Variants in GMCL1 observed in about 807,000 individuals in gnomAD.
The protein encoded by GMCL1 is germ cell-less protein-like 1.
In GMCL1, 54 loss-of-function variants were observed where a neutral mutation model predicts 75.5. The observed-to-expected ratio is 0.71, with a 90% CI of 0.57 to 0.90. GMCL1 has a LOEUF of 0.90. Ranked by LOEUF, GMCL1 falls within the 40% of genes least tolerant of loss-of-function variation. The probability of loss-of-function intolerance (pLI) is 0.00; values close to 1 mark genes in which losing one functional copy is unlikely to be tolerated. For synonymous variants in GMCL1, 210 were observed against 209.6 expected (o/e 1.00, Z -0.02); for missense variants, 537 against 622.7 (o/e 0.86, Z 1.47).
intron 6 of GMCL1, among the ~76,000 whole-genome samples, chr2:69,845,682 A>C (rs886470715): frequency 6.6e-6 from 1 of 152,240 alleles, no homozygotes; most frequent in Non-Finnish European, 1.5e-5. Flanking sequence ...GCTGTGAAGA[A>C]TGCAGAGATG....
chr2:69,852,486 G>A lies in GMCL1; in HGVS notation c.935-2337G>A, dbSNP rs1352694845. 2.1e-5 allele frequency among the ~76,000 whole-genome samples: 3 copies of A among 139,608 alleles called. No individual in the cohort carries two copies. In the South Asian group the frequency reaches 6.4e-4, roughly 30 times the overall value. The allele number at this position is 139,608 out of a possible 152,430, so 91.6% of individuals were successfully genotyped here. On this transcript the variant is annotated intron_variant, in intron 8 of 13. Coordinates refer to ENST00000282570, the MANE Select transcript of GMCL1 (RefSeq NM_178439.5). ...AAATAAGATGCATACTTAGGAAATA[G>A]GATAGAAAAATCACCTGTGATCCCT...
At chr2:69,861,203 G>A (rs1573364158) in intron 9 of GMCL1, 75 bp from the exon 10 acceptor site, 1 of 1,067,708 alleles carries the variant, frequency 9.4e-7, no homozygotes, top group East Asian at 2.6e-5. Context: ...TAACAATTTT[G>A]TCAACTATGA....
chr2:69,829,887 T>G lies in GMCL1; in HGVS notation c.-6T>G, dbSNP rs768252158. ...GGCTCCCTGAAGTCTCGGGGAGCCG[T>G]GACCCATGGGATCGTTGAGCAGCCG... On this transcript the variant is annotated 5_prime_UTR_variant, in exon 1 of 14. Transcript: ENST00000282570. 6.3e-6 allele frequency: 10 copies of G among 1,587,660 alleles called. No homozygotes were observed. The African/African-American group carries it at 1.2e-4, about 19-fold the overall frequency.
chr2:69,859,742 T>TAAAAAAAAAAAAAAAAAAAAAAAA (rs1207817401), intron 9 of GMCL1, among the ~76,000 whole-genome samples: 25 of 79,056 alleles, frequency 3.2e-4, no homozygotes, highest in South Asian at 9.2e-4. Flanking sequence ...TCTCTCTCTC[T>TAAAAAAAAAAAAAAAAAAAAAAAA]AAAAAAAAAA....
intron 1 of GMCL1, among the ~76,000 whole-genome samples, chr2:69,836,393 G>A (rs951786396): frequency 5.3e-5 from 8 of 152,170 alleles, no homozygotes; most frequent in Admixed American, 2.6e-4. Flanking sequence ...TGTACATTCT[G>A]CCGTCAGGAA....
intron 8 of GMCL1, among the ~76,000 whole-genome samples, chr2:69,850,889 T>C (rs575014079): frequency 6.6e-6 from 1 of 152,308 alleles, no homozygotes; most frequent in African/African-American, 2.4e-5. Flanking sequence ...TTAGTTGTTA[T>C]GGAACTATGT....
chr2:69,864,836 A>C, intron 10 of GMCL1, 64 bp from the exon 11 acceptor site: 1 of 1,058,234 alleles, frequency 9.4e-7, no homozygotes, highest in Non-Finnish European at 1.4e-6. Context: ...CTTAACTCAT[A>C]GTTCTTTTTT....
intron 12 of GMCL1, among the ~76,000 whole-genome samples, chr2:69,871,192 G>T (rs1675972551): frequency 6.6e-6 from 1 of 152,098 alleles, no homozygotes; most frequent in South Asian, 2.1e-4. Context: ...ATTTAGCCTT[G>T]AAAAGGAAGC....
In GMCL1 at chr2:69,843,265, A is replaced by G; in HGVS notation, c.692+4A>G. 2 of 1,503,378 alleles carry G rather than the reference A, an allele frequency of 1.3e-6. No homozygotes were observed. The highest frequency in any genetic ancestry group is 1.9e-6 in the Non-Finnish European group (2 of 1,080,794). The allele number at this position is 1,503,378 out of a possible 1,614,324, so 93.1% of individuals were successfully genotyped here. ...GATTAGATTCTGTAAAGAAAAAGTG[A>G]GTTGCCTTTCTTGTTTTTCTTCCTA... On this transcript the variant is annotated splice_donor_region_variant and intron_variant, in intron 5 of 13. Coordinates refer to ENST00000282570, the MANE Select transcript of GMCL1 (RefSeq NM_178439.5).
At chr2:69,856,551 C>T (rs1173505260) in intron 9 of GMCL1, among the ~76,000 whole-genome samples, 2 of 151,548 alleles carry the variant, frequency 1.3e-5, no homozygotes, top group Non-Finnish European at 2.9e-5. Context: ...CACTTGGATA[C>T]CTCTGACCTA....
At chr2:69,835,074 TA>T (rs1215099030) in intron 1 of GMCL1, among the ~76,000 whole-genome samples, 1 of 152,090 alleles carries the variant, frequency 6.6e-6, no homozygotes, top group Non-Finnish European at 1.5e-5. Flanking sequence ...GCCCCACCTA[TA>T]ACCAACTTCG....
chr2:69,849,255 G>T (rs994290005), intron 7 of GMCL1, among the ~76,000 whole-genome samples: 1 of 151,790 alleles, frequency 6.6e-6, no homozygotes, highest in Non-Finnish European at 1.5e-5. Flanking sequence ...ACTGCACCTC[G>T]ACCTCTAGGG....
At chr2:69,877,432 T>C (rs1472431060) in intron 13 of GMCL1, among the ~76,000 whole-genome samples, 1 of 152,198 alleles carries the variant, frequency 6.6e-6, no homozygotes, top group Non-Finnish European at 1.5e-5. Context: ...GCCTTTTAGT[T>C]ATGGAACAGA....
intron 8 of GMCL1, among the ~76,000 whole-genome samples, chr2:69,853,286 GTC>G (rs1371053161): frequency 1.3e-5 from 2 of 152,264 alleles, no homozygotes; most frequent in East Asian, 3.9e-4. Context: ...TAAATCCACT[GTC>G]ACACACCTGT....
At chr2:69,859,742 T>TTAAAAAAAAAAAAAAA (rs1553372489) in intron 9 of GMCL1, among the ~76,000 whole-genome samples, 12 of 79,134 alleles carry the variant, frequency 1.5e-4, no homozygotes, top group African/African-American at 2.3e-4. Context: ...TCTCTCTCTC[T>TTAAAAAAAAAAAAAAA]AAAAAAAAAA....
intron 13 of GMCL1, among the ~76,000 whole-genome samples, chr2:69,873,239 C>T (rs1450931179): frequency 6.6e-6 from 1 of 152,112 alleles, no homozygotes; most frequent in Non-Finnish European, 1.5e-5. Context: ...ATACATGGGT[C>T]ATATTCAAGG....
intron 1 of GMCL1, among the ~76,000 whole-genome samples, chr2:69,832,884 A>T (rs1286114976): frequency 6.6e-6 from 1 of 152,256 alleles, no homozygotes; most frequent in Non-Finnish European, 1.5e-5. Flanking sequence ...AGGTAAAGAG[A>T]TCCCTAGAAA....
intron 13 of GMCL1, among the ~76,000 whole-genome samples, chr2:69,877,170 C>T (rs1676150324): frequency 6.6e-6 from 1 of 152,170 alleles, no homozygotes; most frequent in African/African-American, 2.4e-5. Flanking sequence ...TATAAAGGTA[C>T]TTCAATGCAA....
Position 69,839,434 on chromosome 2 carries a change from G to C in GMCL1, c.385-23G>C, listed in dbSNP as rs144646064. ...AAGACACAGAAAGTACTTGATAATC[G>C]TTGACTTTTTTTTTTGTTTAAGTCT... On this transcript the variant is annotated intron_variant, in intron 2 of 13. Transcript: ENST00000282570. The C allele has an allele frequency of 2.1e-6, 3 of 1,412,820 alleles. No individual in the cohort carries two copies. The Admixed American group carries it at 5.5e-5, about 26-fold the overall frequency. 87.5% of individuals were successfully genotyped at this position (1,412,820 alleles called of 1,614,324 possible).
Sources: allele counts gnomAD v4.1 joint callset (sites outside exome capture counted in the v4.1 genomes callset), GRCh38; gene constraint gnomAD v4.1.1; transcripts MANE v1.5; gene names NCBI Gene and HGNC (gene_info 2026-07-23, HGNC 2026-07-21).